MED13: variants seen among roughly 807,000 people sequenced by gnomAD.
MED13 encodes mediator complex subunit 13, also known as mediator of RNA polymerase II transcription subunit 13.
Under a neutral mutation model 225.2 loss-of-function variants are expected in MED13, and 23 were observed. The observed-to-expected ratio is 0.10, with a 90% confidence interval of 0.07 to 0.14. MED13 has a LOEUF of 0.14. MED13 is among the 10% of genes least tolerant of loss of function. The pLI is 1.00. For missense variants in MED13, 2,197 were observed against 2,594.5 expected (o/e 0.85, Z 3.33); for synonymous variants, 942 against 889.2 (o/e 1.06, Z -1.06).
At chr17:61,951,726 AGGT>A (rs1244849307) in intron 27 of MED13, among the ~76,000 whole-genome samples, 2 of 152,286 alleles carry the variant, frequency 1.3e-5, no homozygotes, top group East Asian at 1.9e-4. Context: ...GGTTTTATTA[AGGT>A]GGTGGGATTA....
intron 16 of MED13, 114 bp downstream of exon 16, chr17:61,982,084 A>T: frequency 2.0e-6 from 2 of 984,870 alleles, no homozygotes; most frequent in Non-Finnish European, 3.0e-6. Context: ...AAAGAGTTTT[A>T]AGTCCAACTT....
chr17:62,048,398 C>T (rs1262514681), intron 3 of MED13, among the ~76,000 whole-genome samples: 4 of 68,086 alleles, frequency 5.9e-5, no homozygotes, highest in African/African-American at 1.1e-4. Flanking sequence ...GAGACTGTTT[C>T]AAAAAAAAAA....
intron 9 of MED13, chr17:62,003,876 AG>A (rs1368503485): frequency 6.6e-6 from 1 of 152,194 alleles, no homozygotes; most frequent in Non-Finnish European, 1.5e-5. Flanking sequence ...ATTCTTATTC[AG>A]TGAGAAAAAT....
chr17:61,966,783 C>A (rs1045261011), intron 18 of MED13, 132 bp from the exon 19 acceptor site: 22 of 558,050 alleles, frequency 3.9e-5, no homozygotes, highest in Non-Finnish European at 5.8e-5. Flanking sequence ...ATAAAAATAT[C>A]AAGGGTGTTT....
intron 2 of MED13, among the ~76,000 whole-genome samples, chr17:62,062,600 CCACACA>C (rs58730188): frequency 0.044 from 5,937 of 136,236 alleles, 329 homozygotes; most frequent in African/African-American, 0.14. Flanking sequence ...CACACACACA[CCACACA>C]CACACACACA....
chr17:61,965,303 A>G lies in MED13; in HGVS notation c.4547T>C (p.Val1516Ala). ...AGTAGATATGGCAACACCTGAAGTC[A>G]CTGTCATAGTGCTGCTCGCTGCAGA... ...LASAASSTMT[V>A]TSGVAISTSV... The change falls in exon 20 of 30, where the codon GTG becomes GCG. Residue 1516 changes from valine (V) to alanine (A), a missense_variant. Physicochemically the swap from Val to Ala is moderately conservative, Grantham distance 64. Coordinates refer to ENST00000397786, the MANE Select transcript of MED13 (RefSeq NM_005121.3). The G allele has an allele frequency of 6.2e-7, 1 of 1,614,252 alleles. No homozygotes were observed.
chr17:62,022,679 A>AGTGAAAAAAATTAGCT (rs1331997754), intron 8 of MED13, among the ~76,000 whole-genome samples: 2 of 152,164 alleles, frequency 1.3e-5, no homozygotes, highest in African/African-American at 4.8e-5. Context: ...AGGCACATTA[A>AGTGAAAAAAATTAGCT]GTGAAAAAAA....
rs1435795019 is a variant in MED13, at chr17:62,060,640, G to A, written c.301+2427C>T. Among the ~76,000 whole-genome samples, 4 of 126,068 alleles carry A rather than the reference G, an allele frequency of 3.2e-5. No homozygotes were observed. In the South Asian group the frequency reaches 7.6e-4, roughly 24 times the overall value. The allele number at this position is 126,068 out of a possible 152,430, so 82.7% of individuals were successfully genotyped here. A position where few individuals can be genotyped will look rare whatever the true frequency, so the allele number is the denominator to read the frequency against. On this transcript the variant is annotated intron_variant, in intron 2 of 29. Transcript: ENST00000397786. ...AGCCCGCGGGACAGAATGAGACTCC[G>A]TCTCAAAAAAAAAAAAAAAACCAAC...
chr17:62,014,623 T>C (rs979101883), intron 8 of MED13, among the ~76,000 whole-genome samples: 1 of 152,150 alleles, frequency 6.6e-6, no homozygotes, highest in African/African-American at 2.4e-5. Flanking sequence ...AGCCTGTATA[T>C]GGCTCTTGAG....
intron 2 of MED13, among the ~76,000 whole-genome samples, chr17:62,060,001 G>C (rs1426429371): frequency 6.6e-6 from 1 of 152,060 alleles, no homozygotes; most frequent in Non-Finnish European, 1.5e-5. Context: ...AAATTTTTAA[G>C]TTATTTACGG....
intron 16 of MED13, among the ~76,000 whole-genome samples, chr17:61,981,636 TAGG>T (rs1567957236): frequency 6.6e-6 from 1 of 152,252 alleles, no homozygotes; most frequent in Non-Finnish European, 1.5e-5. Flanking sequence ...CTATGTTATG[TAGG>T]AGTTTTCCCA....
In MED13 at chr17:61,984,445, C is replaced by CT. The variant is rs2080231418; in HGVS notation, c.2692-79dup. The CT allele has an allele frequency of 1.1e-5, 12 of 1,125,578 alleles. No individual in the cohort carries two copies. The South Asian group carries it at 2.2e-4, about 20-fold the overall frequency. The allele number at this position is 1,125,578 out of a possible 1,614,324, so 69.7% of individuals were successfully genotyped here. Reference sequence around the variant, plus strand: ...ATAAATAAACAAACAGGCTCTGGACCTTTTTTCCTTTCTTTAAACAGAATA... The same window carrying CT: ...ATAAATAAACAAACAGGCTCTGGACCTTTTTTTCCTTTCTTTAAACAGAATA... On this transcript the variant is annotated intron_variant, in intron 14 of 29. Coordinates refer to ENST00000397786, the MANE Select transcript of MED13 (RefSeq NM_005121.3).
chr17:62,013,233 T>C (rs1248763115), intron 8 of MED13, among the ~76,000 whole-genome samples: 1 of 152,118 alleles, frequency 6.6e-6, no homozygotes, highest in Non-Finnish European at 1.5e-5. Context: ...TCAAAGATAT[T>C]ACACAAAAAG....
At chr17:61,973,322 T>A (rs2080125492) in intron 16 of MED13, among the ~76,000 whole-genome samples, 2 of 152,100 alleles carry the variant, frequency 1.3e-5, no homozygotes, top group South Asian at 4.1e-4. Context: ...AAAGTTTAAT[T>A]TGAAAAAAAA....
At chr17:62,048,861 G>A (rs1241040858) in intron 3 of MED13, among the ~76,000 whole-genome samples, 1 of 152,074 alleles carries the variant, frequency 6.6e-6, no homozygotes, top group Admixed American at 6.6e-5. Context: ...CCTCCAGTTA[G>A]CATTTTAGTA....
intron 21 of MED13, among the ~76,000 whole-genome samples, chr17:61,962,189 G>A (rs1396829509): frequency 6.6e-6 from 1 of 152,198 alleles, no homozygotes; most frequent in Non-Finnish European, 1.5e-5. Context: ...AGGAGGCTGA[G>A]GCAGGAGAAT....
At chr17:62,051,103 G>A (rs1056925325) in intron 3 of MED13, among the ~76,000 whole-genome samples, 1 of 152,138 alleles carries the variant, frequency 6.6e-6, no homozygotes. Flanking sequence ...ATATCTATCA[G>A]CCCTTTCTTC....
intron 20 of MED13, among the ~76,000 whole-genome samples, chr17:61,963,202 C>CAAAAAAAAAAAAAAAAAAAAAAA (rs11290002): frequency 3.6e-5 from 2 of 55,770 alleles, no homozygotes; most frequent in African/African-American, 7.3e-5. Context: ...TTAAATTTAC[C>CAAAAAAAAAAAAAAAAAAAAAAA]AAAAAAAAAA....
At chr17:61,998,409 T>A (rs969316985) in intron 9 of MED13, among the ~76,000 whole-genome samples, 1 of 152,196 alleles carries the variant, frequency 6.6e-6, no homozygotes, top group Non-Finnish European at 1.5e-5. Context: ...TAACATACTA[T>A]CCTGAAATGT....
Sources: allele counts gnomAD v4.1 joint callset (sites outside exome capture counted in the v4.1 genomes callset), GRCh38; gene constraint gnomAD v4.1.1; transcripts MANE v1.5; gene names NCBI Gene and HGNC (gene_info 2026-07-23, HGNC 2026-07-21).